The following ANKRD12 variants were observed in gnomAD, a reference collection of about 807,000 sequenced individuals.
The protein encoded by ANKRD12 is ankyrin repeat domain 12, also known as ankyrin repeat domain-containing protein 12.
In ANKRD12, 85 loss-of-function variants were observed where a neutral mutation model predicts 183.4. The ratio of observed to expected loss-of-function variants is 0.46; its 90% CI spans 0.39 to 0.56. The LOEUF is 0.56. Among genes scored for constraint, ANKRD12 ranks in the 20% least tolerant of loss-of-function variants. The probability of loss-of-function intolerance (pLI) is 0.00; values close to 1 mark genes in which losing one functional copy is unlikely to be tolerated. For missense variants in ANKRD12, 2,405 were observed against 2,357.1 expected, an observed-to-expected ratio of 1.02 and a Z score of -0.42; for synonymous variants, 914 against 800.2, an observed-to-expected ratio of 1.14 and a Z score of -2.40.
chr18:9,193,317 T>G (rs2034574278), intron 2 of ANKRD12, among the ~76,000 whole-genome samples: 1 of 151,902 alleles, frequency 6.6e-6, no homozygotes, highest in South Asian at 2.1e-4. Context: ...TTTTAAATTT[T>G]TTTACAGAAA....
chr18:9,136,848 C>T lies in ANKRD12; in HGVS notation c.-169C>T, dbSNP rs1258345817. 1 of 152,278 alleles carries T rather than the reference C, an allele frequency of 6.6e-6. No individual in the cohort carries two copies. The highest frequency in any genetic ancestry group is 1.5e-5 in the Non-Finnish European group (1 of 68,112). The allele number at this position is 152,278 out of a possible 1,614,324, so 9.4% of individuals were successfully genotyped here. A position where few individuals can be genotyped will look rare whatever the true frequency, so the allele number is the denominator to read the frequency against. On this transcript the variant is annotated 5_prime_UTR_variant, in exon 1 of 13. Transcript: ENST00000262126. Reference sequence around the variant, plus strand: ...GACGGACCGAGACCGGAGATGTTTTCAAGCCCGGCTCCGGCGGCTTTACAG... The same window carrying T: ...GACGGACCGAGACCGGAGATGTTTTTAAGCCCGGCTCCGGCGGCTTTACAG...
At chr18:9,153,446 G>A (rs528138092) in intron 1 of ANKRD12, among the ~76,000 whole-genome samples, 5 of 152,152 alleles carry the variant, frequency 3.3e-5, no homozygotes, top group Admixed American at 1.3e-4. Flanking sequence ...TTTCAGTTTC[G>A]TTGTAATGTG....
chr18:9,138,634 T>G, intron 1 of ANKRD12, among the ~76,000 whole-genome samples: 1 of 152,250 alleles, frequency 6.6e-6, no homozygotes, highest in East Asian at 1.9e-4. Context: ...TCCTGGAGAT[T>G]AGCTCAGAAC....
At position 9,149,805 on chromosome 18, in the gene ANKRD12, T is replaced by A. The variant is rs956877568; in HGVS notation, c.-52+12840T>A. ...ATTTATTTATTAAATTTTATTTTTT[T>A]TTTTTTTTGAGACGGAGTCTCACTC... On this transcript the variant is annotated intron_variant, in intron 1 of 12. Transcript: ENST00000262126. 1.5e-4 allele frequency among the ~76,000 whole-genome samples: 23 copies of A among 149,132 alleles called. 1 individual carries two copies. Among genetic ancestry groups the A allele is most frequent in the African/African-American group, 5.1e-4 (21 of 41,070 alleles).
intron 8 of ANKRD12, among the ~76,000 whole-genome samples, chr18:9,244,686 CAG>C (rs1443124138): frequency 2.0e-5 from 3 of 152,110 alleles, no homozygotes; most frequent in Non-Finnish European, 4.4e-5. Flanking sequence ...TGAACAAGAA[CAG>C]AGACAAAAAT....
chr18:9,263,113 CAG>C (rs1022688324), intron 9 of ANKRD12, among the ~76,000 whole-genome samples: 6 of 152,078 alleles, frequency 3.9e-5, no homozygotes, highest in African/African-American at 1.2e-4. Flanking sequence ...CTTATTGTAA[CAG>C]TGCAGTTACA....
rs375843680 is a variant in ANKRD12 at position 9,255,931 on chromosome 18, C to A, written c.2664C>A (p.Ser888Arg). 4 of 1,582,740 alleles carry A rather than the reference C, an allele frequency of 2.5e-6. No individual in the cohort carries two copies. The highest frequency in any genetic ancestry group is 2.8e-5 in the African/African-American group (2 of 72,386). Residue 888 changes from serine (S) to arginine (R), a missense_variant, in exon 9 of 13, where the codon AGC (serine) becomes AGA (arginine). Around this residue, in one of 7 missense-constraint regions of ANKRD12, gnomAD observed 1,983 missense variants for 1,725.9 expected, o/e 1.15. Transcript: ENST00000262126. ...TEKCHKEGEK[S>R]KNTAAIKKTD... Reference sequence around the variant, plus strand: ...AATGCCATAAAGAAGGTGAGAAGAGCAAAAATACTGCTGCTATTAAAAAAA... The same window carrying A: ...AATGCCATAAAGAAGGTGAGAAGAGAAAAAATACTGCTGCTATTAAAAAAA...
At chr18:9,138,262 C>T (rs774333228) in intron 1 of ANKRD12, among the ~76,000 whole-genome samples, 1 of 152,208 alleles carries the variant, frequency 6.6e-6, no homozygotes, top group Non-Finnish European at 1.5e-5. Context: ...CCTATAATCC[C>T]AGCACTTTGG....
rs938158103 is a variant in ANKRD12 at position 9,283,441 on chromosome 18, A to G, written c.*2315A>G. ...GAGACTCAAAGCTAATGATAGCTTA[A>G]AAGAAAAGTTAATGCCTTCTCATTG... On this transcript the variant is annotated 3_prime_UTR_variant, in exon 13 of 13. Coordinates refer to ENST00000262126, the MANE Select transcript of ANKRD12 (RefSeq NM_015208.5). 6.6e-6 allele frequency: 1 copy of G among 152,248 alleles called. No individual in the cohort carries two copies. Among genetic ancestry groups the G allele is most frequent in the Non-Finnish European group, 1.5e-5 (1 of 68,018 alleles). 9.4% of individuals were successfully genotyped at this position (152,248 alleles called of 1,614,324 possible). A position where few individuals can be genotyped will look rare whatever the true frequency, so the allele number is the denominator to read the frequency against.
chr18:9,216,778 G>A lies in ANKRD12; in HGVS notation c.673G>A (p.Ala225Thr). The A allele has an allele frequency of 6.2e-7, 1 of 1,613,270 alleles. No individual in the cohort carries two copies. Among genetic ancestry groups the A allele is most frequent in the Non-Finnish European group, 8.5e-7 (1 of 1,179,600 alleles). ...DFAGWTPLHE[A>T]CNVGYYDVAK... ...TTTAGGTTGGACACCACTGCATGAA[G>A]CTTGCAATGTTGGATATTACGATGT... Residue 225 changes from alanine to threonine, a missense_variant, in exon 7 of 13, where the codon GCT becomes ACT. By Grantham distance (58) the Ala-to-Thr change is moderately conservative. Coordinates refer to ENST00000262126, the MANE Select transcript of ANKRD12 (RefSeq NM_015208.5).
chr18:9,257,212 C>T lies in ANKRD12; in HGVS notation c.3945C>T (p.Val1315=). 1 of 1,614,140 alleles carries T rather than the reference C, an allele frequency of 6.2e-7. No homozygotes were observed. Among genetic ancestry groups the T allele is most frequent in the Non-Finnish European group, 8.5e-7 (1 of 1,179,994 alleles). The change falls in exon 9 of 13, where the codon GTC becomes GTT. Residue 1315 remains valine, a synonymous_variant. Coordinates refer to ENST00000262126, the MANE Select transcript of ANKRD12 (RefSeq NM_015208.5). ...TTCGAAGATGTAGCATGCCTTCTGT[C>T]ATTTGTGAACATACCAAACAATTCC... The part of the protein sequence containing the change: ...IEVRRCSMPS[V]ICEHTKQFQT...
At chr18:9,241,254 AGACTT>A (rs1430329273) in intron 8 of ANKRD12, among the ~76,000 whole-genome samples, 2 of 152,180 alleles carry the variant, frequency 1.3e-5, no homozygotes, top group African/African-American at 4.8e-5. Flanking sequence ...TCGGGAATCT[AGACTT>A]GATAGAGCAT....
At chr18:9,155,704 A>G (rs963219161) in intron 1 of ANKRD12, among the ~76,000 whole-genome samples, 1 of 151,894 alleles carries the variant, frequency 6.6e-6, no homozygotes, top group African/African-American at 2.4e-5. Flanking sequence ...GAGTTTGCAT[A>G]CTTCTGTATG....
intron 1 of ANKRD12, among the ~76,000 whole-genome samples, chr18:9,138,896 C>T (rs2078220941): frequency 6.6e-6 from 1 of 152,158 alleles, no homozygotes; most frequent in Non-Finnish European, 1.5e-5. Flanking sequence ...GCTCTACAGG[C>T]ATCTTGGCTA....
chr18:9,177,836 A>C (rs1015604867), intron 1 of ANKRD12, among the ~76,000 whole-genome samples: 1 of 152,048 alleles, frequency 6.6e-6, no homozygotes, highest in Non-Finnish European at 1.5e-5. Context: ...TCTCATTATT[A>C]ATTTTCCTGG....
At chr18:9,144,980 GT>G (rs59753592) in intron 1 of ANKRD12, among the ~76,000 whole-genome samples, 2,056 of 152,160 alleles carry the variant, frequency 0.014, 18 homozygotes, top group Non-Finnish European at 0.02. Context: ...TTTACAAGGA[GT>G]AAAAAGTGAA....
At position 9,284,456 on chromosome 18, in the gene ANKRD12, ACT is replaced by A. The variant is rs910503569; in HGVS notation, c.*3333_*3334del. The A allele has an allele frequency of 1.3e-5, 2 of 152,190 alleles. No individual in the cohort carries two copies. The highest frequency in any genetic ancestry group is 4.8e-5 in the African/African-American group (2 of 41,450). 9.4% of individuals were successfully genotyped at this position (152,190 alleles called of 1,614,324 possible). The stretch of plus-strand genomic sequence containing the variant: ...CCAAAATTTTATATAGAAGAAATTG[ACT>A]CTGTAAAACGCAATGAAATAGTCCT... On this transcript the variant is annotated 3_prime_UTR_variant, in exon 13 of 13. Coordinates refer to ENST00000262126, the MANE Select transcript of ANKRD12 (RefSeq NM_015208.5).
At chr18:9,235,364 C>T (rs1269206783) in intron 8 of ANKRD12, among the ~76,000 whole-genome samples, 2 of 152,162 alleles carry the variant, frequency 1.3e-5, no homozygotes, top group African/African-American at 4.8e-5. Flanking sequence ...AATCATTTAT[C>T]TTGCCTTCGT....
At position 9,182,379 on chromosome 18, in the gene ANKRD12, C is replaced by G; in HGVS notation, c.-51-3C>G. The G allele has an allele frequency of 8.2e-7, 1 of 1,215,362 alleles. No individual in the cohort carries two copies. Among genetic ancestry groups the G allele is most frequent in the Non-Finnish European group, 1.2e-6 (1 of 841,942 alleles). 75.3% of individuals were successfully genotyped at this position (1,215,362 alleles called of 1,614,324 possible). A position where few individuals can be genotyped will look rare whatever the true frequency, so the allele number is the denominator to read the frequency against. ...ATAACCCTTATATATCTATTCTTTA[C>G]AGATCCAGGATGAGAAGACTGATAA... On this transcript the variant is annotated splice_region_variant and splice_polypyrimidine_tract_variant and intron_variant, in intron 1 of 12. Coordinates refer to ENST00000262126, the MANE Select transcript of ANKRD12 (RefSeq NM_015208.5).
Sources: allele counts gnomAD v4.1 joint callset (sites outside exome capture counted in the v4.1 genomes callset), GRCh38; gene constraint gnomAD v4.1.1; regional missense constraint gnomAD v4.1.1; transcripts MANE v1.5; gene names NCBI Gene and HGNC (gene_info 2026-07-23, HGNC 2026-07-21).